The following PRORP variants were observed in gnomAD, a reference collection of about 807,000 sequenced individuals.
The protein encoded by PRORP is mitochondrial ribonuclease P catalytic subunit.
PRORP carries 51 observed loss-of-function variants against 59.4 expected under a neutral mutation model. That is an observed-to-expected ratio of 0.86 (90% CI 0.69 to 1.08). PRORP has a LOEUF of 1.08. Among genes scored for constraint, PRORP ranks in the 50% least tolerant of loss-of-function variants. The pLI, the probability that PRORP is intolerant of heterozygous loss-of-function variation, is 0.00. For synonymous variants in PRORP, 231 were observed against 245.6 expected (o/e 0.94, Z 0.55); for missense variants, 646 against 690.3 (o/e 0.94, Z 0.72).
At chr14:35,173,757 C>T (rs565264389) in intron 4 of PRORP, among the ~76,000 whole-genome samples, 6 of 152,104 alleles carry the variant, frequency 3.9e-5, no homozygotes, top group South Asian at 2.1e-4. Flanking sequence ...TTTAAAAAAA[C>T]GCAATCATTT....
Position 35,268,859 on chromosome 14 carries a change from G to A in PRORP, c.1425-1542G>A, listed in dbSNP as rs183658636. ...TCCACCCACCTCAGCCTCCCAAAGT[G>A]CTAGGATTACAGGCATGAGCCACCT... is the stretch of plus-strand genomic sequence containing the variant. On this transcript the variant is annotated intron_variant, in intron 6 of 7. Transcript: ENST00000534898. Among the ~76,000 whole-genome samples, 378 of 152,306 alleles carry A rather than the reference G, an allele frequency of 2.5e-3. 2 individuals carry two copies. The highest frequency in any genetic ancestry group is 8.5e-3 in the African/African-American group (354 of 41,576).
At chr14:35,261,501 C>T (rs181152165) in intron 5 of PRORP, among the ~76,000 whole-genome samples, 239 of 152,242 alleles carry the variant, frequency 1.6e-3, no homozygotes, top group Admixed American at 3.8e-3. Flanking sequence ...GAGGCCAAGG[C>T]GGGCAGATCA....
chr14:35,223,278 C>T (rs951742371), intron 5 of PRORP, among the ~76,000 whole-genome samples: 9 of 150,570 alleles, frequency 6.0e-5, no homozygotes, highest in African/African-American at 2.2e-4. Context: ...GGAGAGGTGA[C>T]GTTTCCCGTT....
chr14:35,203,241 T>C (rs1391572047), intron 5 of PRORP, among the ~76,000 whole-genome samples: 2 of 152,252 alleles, frequency 1.3e-5, no homozygotes, highest in Non-Finnish European at 2.9e-5. Flanking sequence ...TGTTTTTCAC[T>C]AGTTCAGCTG....
At chr14:35,262,280 G>A (rs1356190755) in intron 5 of PRORP, among the ~76,000 whole-genome samples, 1 of 152,076 alleles carries the variant, frequency 6.6e-6, no homozygotes, top group Admixed American at 6.6e-5. Context: ...CCAAAGTGCT[G>A]GGATTACAGG....
At chr14:35,151,688 C>G (rs2047754333) in intron 4 of PRORP, among the ~76,000 whole-genome samples, 1 of 149,138 alleles carries the variant, frequency 6.7e-6, no homozygotes, top group Non-Finnish European at 1.5e-5. Flanking sequence ...AGAGCTTTTA[C>G]TATATATCTT....
chr14:35,195,961 A>T (rs2048998227), intron 5 of PRORP, among the ~76,000 whole-genome samples: 1 of 152,214 alleles, frequency 6.6e-6, no homozygotes, highest in African/African-American at 2.4e-5. Flanking sequence ...GAATGTATAA[A>T]TTGGGAAAAA....
chr14:35,208,128 C>A (rs61989544), intron 5 of PRORP, among the ~76,000 whole-genome samples: 1,530 of 148,062 alleles, frequency 0.01, 28 homozygotes, highest in African/African-American at 0.036. Context: ...CCAGCCTGGG[C>A]AAAAGAGCAA....
At chr14:35,261,266 T>C (rs1224949946) in intron 5 of PRORP, among the ~76,000 whole-genome samples, 2 of 152,210 alleles carry the variant, frequency 1.3e-5, no homozygotes, top group Non-Finnish European at 2.9e-5. Context: ...TTGCCATTTT[T>C]CCCTCTACCT....
chr14:35,137,660 G>A (rs1342432308), intron 4 of PRORP, among the ~76,000 whole-genome samples: 1 of 145,474 alleles, frequency 6.9e-6, no homozygotes, highest in Non-Finnish European at 1.5e-5. Flanking sequence ...GTGATTGTGT[G>A]ATTTAATATA....
Position 35,254,077 on chromosome 14 carries a change from A to T in PRORP, c.1276-12650A>T, listed in dbSNP as rs1330191891. Among the ~76,000 whole-genome samples the T allele has an allele frequency of 2.0e-5, 3 of 150,062 alleles. No homozygotes were observed. In the Admixed American group the frequency reaches 2.0e-4, roughly 10 times the overall value. ...ATCTCTCCCACCTTGAGATATCAAA[A>T]GCTCCTCCTCTCATAGACTCTATCT... On this transcript the variant is annotated intron_variant, in intron 5 of 7. Transcript: ENST00000534898.
chr14:35,205,181 T>C (rs1468621523), intron 5 of PRORP, among the ~76,000 whole-genome samples: 1 of 151,966 alleles, frequency 6.6e-6, no homozygotes, highest in Non-Finnish European at 1.5e-5. Flanking sequence ...AAATATGCAG[T>C]TTTTGTTGTT....
chr14:35,212,524 A>G (rs1038994229), intron 5 of PRORP, among the ~76,000 whole-genome samples: 1 of 152,202 alleles, frequency 6.6e-6, no homozygotes, highest in Non-Finnish European at 1.5e-5. Flanking sequence ...ATCTCCTTGT[A>G]TATCTCCATA....
chr14:35,130,681 A>C (rs1288884659), intron 4 of PRORP, among the ~76,000 whole-genome samples: 1 of 151,682 alleles, frequency 6.6e-6, no homozygotes, highest in Non-Finnish European at 1.5e-5. Flanking sequence ...ACAGGGTTTC[A>C]CCATGTTGGC....
At chr14:35,187,791 A>G (rs1303818146) in intron 5 of PRORP, among the ~76,000 whole-genome samples, 1 of 151,422 alleles carries the variant, frequency 6.6e-6, no homozygotes, top group East Asian at 1.9e-4. Context: ...ATCCTTTAAT[A>G]TATTTAATGG....
chr14:35,247,719 A>G (rs956231903), intron 5 of PRORP, among the ~76,000 whole-genome samples: 1 of 152,184 alleles, frequency 6.6e-6, no homozygotes, highest in Non-Finnish European at 1.5e-5. Flanking sequence ...ATATTTCCAT[A>G]TCAAAATAAG....
At chr14:35,212,244 T>C (rs7157736) in intron 5 of PRORP, among the ~76,000 whole-genome samples, 123,955 of 152,060 alleles carry the variant, frequency 0.82, 50,558 homozygotes, top group Admixed American at 0.85. Context: ...CATCCATGAG[T>C]ATTGGAATCC....
At chr14:35,143,940 G>A (rs60164572) in intron 4 of PRORP, 31,739 of 144,682 alleles carry the variant, frequency 0.22, 6,682 homozygotes, top group East Asian at 0.48. Flanking sequence ...GAGTCACCGC[G>A]CCCGGCCAAA....
chr14:35,259,880 G>A (rs982930038), intron 5 of PRORP, among the ~76,000 whole-genome samples: 3 of 152,110 alleles, frequency 2.0e-5, no homozygotes, highest in East Asian at 1.9e-4. Context: ...GGCGGACAGC[G>A]AGATTCTGTC....
Sources: gnomAD v4.1 joint callset for allele counts (sites outside exome capture counted in the v4.1 genomes callset) on GRCh38, gnomAD v4.1.1 for gene constraint, MANE v1.5 for transcripts, NCBI Gene and HGNC (gene_info 2026-07-23, HGNC 2026-07-21) for gene names.